Variants in EYA1 observed in about 807,000 individuals in gnomAD.
The protein encoded by EYA1 is EYA transcriptional coactivator and phosphatase 1, also known as protein phosphatase EYA1.
A neutral mutation model predicts 82.0 loss-of-function variants in EYA1; 16 were observed. That is an observed-to-expected ratio of 0.20 (90% CI 0.13 to 0.30). The LOEUF (loss-of-function observed/expected upper bound fraction) is 0.30, where lower values mean the gene tolerates loss of function less well. EYA1 is among the 10% of genes least tolerant of loss of function. EYA1 has a pLI of 1.00. For missense variants in EYA1, 633 were observed against 730.7 expected (o/e 0.87, Z 1.54); for synonymous variants, 261 against 264.4 (o/e 0.99, Z 0.12).
intron 2 of EYA1, among the ~76,000 whole-genome samples, chr8:71,445,818 G>A (rs1806831245): frequency 1.3e-5 from 2 of 152,096 alleles, no homozygotes; most frequent in African/African-American, 4.8e-5. Context: ...CTCCCAAAGT[G>A]TTGGGATTAC....
At chr8:71,336,724 T>C (rs146239094) in intron 3 of EYA1, among the ~76,000 whole-genome samples, 106 of 152,312 alleles carry the variant, frequency 7.0e-4, no homozygotes, top group African/African-American at 2.4e-3. Context: ...TGTTCAAACA[T>C]ACCCATCTAT....
At chr8:71,431,434 C>G (rs1037535457) in intron 2 of EYA1, among the ~76,000 whole-genome samples, 1 of 152,172 alleles carries the variant, frequency 6.6e-6, no homozygotes, top group Non-Finnish European at 1.5e-5. Context: ...TGTCACTCTT[C>G]TGTGGATGAC....
chr8:71,429,634 T>C (rs1011452699), intron 2 of EYA1, among the ~76,000 whole-genome samples: 10 of 152,098 alleles, frequency 6.6e-5, no homozygotes, highest in Non-Finnish European at 1.3e-4. Context: ...TCAGAGTAGG[T>C]GCTCAATAAA....
chr8:71,437,223 A>G (rs1393543659), intron 2 of EYA1, among the ~76,000 whole-genome samples: 1 of 151,824 alleles, frequency 6.6e-6, no homozygotes, highest in Non-Finnish European at 1.5e-5. Flanking sequence ...CTGTTATTTA[A>G]GTCAGAATTT....
At chr8:71,206,632 C>T (rs1316286231) in intron 17 of EYA1, among the ~76,000 whole-genome samples, 1 of 152,180 alleles carries the variant, frequency 6.6e-6, no homozygotes, top group Non-Finnish European at 1.5e-5. Context: ...CCTTACAGTG[C>T]CTCAGTTTTC....
chr8:71,256,783 T>C (rs1814478246), intron 11 of EYA1, among the ~76,000 whole-genome samples: 1 of 152,190 alleles, frequency 6.6e-6, no homozygotes, highest in Admixed American at 6.5e-5. Flanking sequence ...GTGGATCACC[T>C]GAGGTCAGGA....
chr8:71,244,809 G>C (rs1812880471), intron 11 of EYA1, 117 bp from the exon 12 acceptor site: 3 of 663,854 alleles, frequency 4.5e-6, no homozygotes, highest in Admixed American at 2.5e-5. Flanking sequence ...CACAGAGAGA[G>C]ACTTGGGCAA....
intron 4 of EYA1, among the ~76,000 whole-genome samples, chr8:71,327,341 C>A (rs1823278484): frequency 1.3e-5 from 2 of 152,146 alleles, no homozygotes; most frequent in Non-Finnish European, 1.5e-5. Flanking sequence ...AATATTTTTT[C>A]TCCTCCAGAA....
At chr8:71,491,488 G>T (rs1296848031) in intron 2 of EYA1, among the ~76,000 whole-genome samples, 1 of 152,170 alleles carries the variant, frequency 6.6e-6, no homozygotes, top group East Asian at 1.9e-4. Flanking sequence ...TGGAGACGGG[G>T]TTTTAAAAAG....
intron 9 of EYA1, among the ~76,000 whole-genome samples, chr8:71,289,528 A>AT (rs1294638685): frequency 6.6e-6 from 1 of 152,130 alleles, no homozygotes; most frequent in Non-Finnish European, 1.5e-5. Context: ...TTACATTTTC[A>AT]TTTTTCTGCT....
chr8:71,354,943 A>G lies in EYA1; in HGVS notation c.-4-34T>C, dbSNP rs751841618. The G allele has an allele frequency of 6.8e-6, 11 of 1,608,418 alleles. No homozygotes were observed. In the Admixed American group the frequency reaches 1.8e-4, roughly 27 times the overall value. On this transcript the variant is annotated intron_variant, in intron 2 of 17. Coordinates refer to ENST00000340726, the MANE Select transcript of EYA1 (RefSeq NM_000503.6). ...AAGAAGCCTTCCATTTGACAGATGT[A>G]CCAAATTCATAACACCACCATTTAA...
At chr8:71,498,281 T>C (rs981992138) in intron 2 of EYA1, among the ~76,000 whole-genome samples, 2 of 152,242 alleles carry the variant, frequency 1.3e-5, no homozygotes, top group Admixed American at 1.3e-4. Flanking sequence ...ACAATGTATA[T>C]ATACTTCAAA....
At chr8:71,396,151 T>C (rs1829599035) in intron 2 of EYA1, among the ~76,000 whole-genome samples, 2 of 152,158 alleles carry the variant, frequency 1.3e-5, no homozygotes, top group Admixed American at 1.3e-4. Flanking sequence ...CCTTTCTCAT[T>C]TTTTATTGTG....
At chr8:71,254,850 C>T (rs1197110353) in intron 11 of EYA1, among the ~76,000 whole-genome samples, 2 of 150,984 alleles carry the variant, frequency 1.3e-5, no homozygotes, top group African/African-American at 2.4e-5. Context: ...CCCCGCCCCC[C>T]ACCACACACA....
intron 3 of EYA1, among the ~76,000 whole-genome samples, chr8:71,345,255 C>T (rs1444013315): frequency 2.0e-5 from 3 of 152,144 alleles, no homozygotes; most frequent in Non-Finnish European, 4.4e-5. Context: ...AAGGCAGAGG[C>T]TCAGAAATAA....
At chr8:71,314,106 G>T (rs1317942725) in intron 7 of EYA1, among the ~76,000 whole-genome samples, 1 of 152,108 alleles carries the variant, frequency 6.6e-6, no homozygotes, top group Non-Finnish European at 1.5e-5. Flanking sequence ...ATAGCTATAA[G>T]ATGAAATTGA....
At chr8:71,375,498 A>C (rs562432208) in intron 2 of EYA1, among the ~76,000 whole-genome samples, 47 of 152,318 alleles carry the variant, frequency 3.1e-4, no homozygotes, top group African/African-American at 1.1e-3. Flanking sequence ...TGACAAGTCA[A>C]CAAATAACAT....
chr8:71,255,989 A>C (rs953167948), intron 11 of EYA1, among the ~76,000 whole-genome samples: 15 of 152,194 alleles, frequency 9.9e-5, no homozygotes, highest in Non-Finnish European at 2.1e-4. Context: ...ATGTGAACCC[A>C]AACCACTGTG....
At chr8:71,372,650 G>T (rs992282272) in intron 2 of EYA1, among the ~76,000 whole-genome samples, 1 of 152,142 alleles carries the variant, frequency 6.6e-6, no homozygotes, top group African/African-American at 2.4e-5. Context: ...TCATGAAGAT[G>T]AGGGAATTGA....
Sources: gnomAD v4.1 joint callset for allele counts (sites outside exome capture counted in the v4.1 genomes callset) on GRCh38, gnomAD v4.1.1 for gene constraint, MANE v1.5 for transcripts, NCBI Gene and HGNC (gene_info 2026-07-23, HGNC 2026-07-21) for gene names.